C8orf76: variants seen among roughly 807,000 people sequenced by gnomAD.
C8orf76 encodes uncharacterized protein C8orf76.
A neutral mutation model predicts 38.1 loss-of-function variants in C8orf76; 46 were observed. That is an observed-to-expected ratio of 1.21 (90% CI 0.95 to 1.54). The LOEUF is 1.54. C8orf76 is among the 40% of genes most tolerant of loss of function. The pLI, the probability that C8orf76 is intolerant of heterozygous loss-of-function variation, is 0.00. For missense variants in C8orf76, 461 were observed against 441.6 expected (o/e 1.04, Z -0.39); for synonymous variants, 166 against 167.5 (o/e 0.99, Z 0.07).
chr8:123,222,606 A>G (rs950369490), intron 5 of C8orf76, among the ~76,000 whole-genome samples: 1 of 152,196 alleles, frequency 6.6e-6, no homozygotes, highest in Admixed American at 6.5e-5. Context: ...TAATATAGGG[A>G]GAACTCTTAA....
chr8:123,230,878 G>C (rs1825236249), intron 4 of C8orf76, among the ~76,000 whole-genome samples: 3 of 152,136 alleles, frequency 2.0e-5, no homozygotes, highest in African/African-American at 7.2e-5. Context: ...TCGATCTTCT[G>C]ACCTTGTGAT....
chr8:123,220,221 A>C lies in C8orf76; in HGVS notation c.1025T>G (p.Leu342Arg), dbSNP rs1011524054. 3.7e-6 allele frequency: 6 copies of C among 1,613,714 alleles called. No homozygotes were observed. Among genetic ancestry groups the C allele is most frequent in the Non-Finnish European group, 5.1e-6 (6 of 1,179,828 alleles). Reference protein sequence around the residue: ...PEVKCVGSVALTALVTVSSEE... With the variant: ...PEVKCVGSVARTALVTVSSEE... ...TGAGGATACAGTCACCAAGGCAGTC[A>C]GGGCTACGGAGCCAACACACTTCAC... The change falls in exon 6 of 6, where the codon CTG (leucine) becomes CGG (arginine). Residue 342 changes from leucine to arginine, a missense_variant. Physicochemically the swap from Leu to Arg is moderately radical, Grantham distance 102. Coordinates refer to ENST00000276704, the MANE Select transcript of C8orf76 (RefSeq NM_032847.3).
At chr8:123,220,336 G>C (rs751537666) in intron 5 of C8orf76, 39 bp from the exon 6 acceptor site, 1 of 1,455,054 alleles carries the variant, frequency 6.9e-7, no homozygotes, top group East Asian at 2.4e-5. Context: ...CCCAATAAAA[G>C]AGGCAGAGAC....
intron 3 of C8orf76, 83 bp from the exon 4 acceptor site, chr8:123,231,840 G>T: frequency 7.2e-7 from 1 of 1,382,570 alleles, no homozygotes; most frequent in Non-Finnish European, 9.7e-7. Context: ...AAACCAAGTT[G>T]TATATGTTAT....
intron 5 of C8orf76, among the ~76,000 whole-genome samples, chr8:123,224,640 C>T (rs1034929278): frequency 2.0e-5 from 3 of 152,168 alleles, no homozygotes; most frequent in African/African-American, 7.2e-5. Context: ...ACAAAATGTA[C>T]ATTATAATCC....
At position 123,238,983 on chromosome 8, in the gene C8orf76, G is replaced by T; in HGVS notation, c.213+66C>A. 2.0e-6 allele frequency: 3 copies of T among 1,505,968 alleles called. No homozygotes were observed. In the South Asian group the frequency reaches 3.4e-5, roughly 17 times the overall value. The allele number at this position is 1,505,968 out of a possible 1,614,324, so 93.3% of individuals were successfully genotyped here. A position where few individuals can be genotyped will look rare whatever the true frequency, so the allele number is the denominator to read the frequency against. ...AAACACCACACTAACTTGGTACACT[G>T]TTATTTACATATGCCATAACTGATA... On this transcript the variant is annotated intron_variant, in intron 2 of 5. Transcript: ENST00000276704.
chr8:123,239,347 G>C lies in C8orf76; in HGVS notation c.118-203C>G. 3 of 498,450 alleles carry C rather than the reference G, an allele frequency of 6.0e-6. No individual in the cohort carries two copies. The South Asian group carries it at 6.7e-5, about 11-fold the overall frequency. The allele number at this position is 498,450 out of a possible 1,614,324, so 30.9% of individuals were successfully genotyped here. On this transcript the variant is annotated intron_variant, in intron 1 of 5. Coordinates refer to ENST00000276704, the MANE Select transcript of C8orf76 (RefSeq NM_032847.3). Reference sequence around the variant, plus strand: ...CCCAAAGTGCTGGGATTACAGGTGTGAGCCACCGCACCCAGCCCACATTGG... The same window carrying C: ...CCCAAAGTGCTGGGATTACAGGTGTCAGCCACCGCACCCAGCCCACATTGG...
intron 5 of C8orf76, 80 bp downstream of exon 5, chr8:123,226,420 T>G: frequency 6.4e-7 from 1 of 1,573,176 alleles, no homozygotes. Flanking sequence ...AATTTGGCCC[T>G]GCTTTATAAA....
Position 123,239,083 on chromosome 8 carries a change from T to A in C8orf76, c.179A>T (p.Lys60Ile). The change falls in exon 2 of 6, where the codon AAA (lysine) becomes ATA (isoleucine). Residue 60 changes from lysine to isoleucine, a missense_variant. Transcript: ENST00000276704. ...TTGTCGTCTGTAGGCCAGGTCTCCT[T>A]TGAATTTCTTGAGAGTCAGCACTTC... is the stretch of plus-strand genomic sequence containing the variant. ...DVEVLTLKKF[K>I]GDLAYRRQEY... 6.2e-7 allele frequency: 1 copy of A among 1,614,136 alleles called. No individual in the cohort carries two copies.
Position 123,231,607 on chromosome 8 carries a change from A to G in C8orf76, c.508T>C (p.Leu170=), listed in dbSNP as rs142676768. The G allele has an allele frequency of 5.6e-6, 9 of 1,614,102 alleles. No homozygotes were observed. Among genetic ancestry groups the G allele is most frequent in the Admixed American group, 5.0e-5 (3 of 59,998 alleles). The part of the protein sequence containing the change: ...HPFNPWNWGK[L]AEAYLNLGPA... ...CCCAGATTCAGGTAAGCCTCTGCCA[A>G]TTTGCCCCAGTTCCAAGGATTAAAA... is the stretch of plus-strand genomic sequence containing the variant. The change falls in exon 4 of 6, where the codon TTG becomes CTG. Residue 170 remains leucine (L), a synonymous_variant. Coordinates refer to ENST00000276704, the MANE Select transcript of C8orf76 (RefSeq NM_032847.3).
chr8:123,240,075 A>G (rs1173153225), intron 1 of C8orf76: 1 of 152,520 alleles, frequency 6.6e-6, no homozygotes, highest in African/African-American at 2.4e-5. Flanking sequence ...GATCTGACAA[A>G]GTATTTTCAT....
chr8:123,240,130 A>G (rs1386677569), intron 1 of C8orf76: 3 of 152,864 alleles, frequency 2.0e-5, no homozygotes, highest in Non-Finnish European at 4.4e-5. Context: ...GTGAGCCAGC[A>G]TGTATTATTT....
intron 3 of C8orf76, chr8:123,236,877 C>A: frequency 1.1e-6 from 1 of 883,266 alleles, no homozygotes; most frequent in Non-Finnish European, 1.9e-6. Flanking sequence ...AAGACCCTCA[C>A]AGGCAAGACC....
intron 3 of C8orf76, among the ~76,000 whole-genome samples, chr8:123,232,374 C>T (rs934086941): frequency 6.6e-6 from 1 of 152,232 alleles, no homozygotes. Context: ...TCCTTTTGAT[C>T]AGAAAATCCT....
intron 4 of C8orf76, among the ~76,000 whole-genome samples, chr8:123,228,014 T>C (rs1263405289): frequency 1.3e-5 from 2 of 152,118 alleles, no homozygotes; most frequent in African/African-American, 4.8e-5. Context: ...CCTAAAATCA[T>C]TGCCTTCCAC....
intron 3 of C8orf76, among the ~76,000 whole-genome samples, chr8:123,233,864 T>C (rs541992011): frequency 1.1e-4 from 17 of 151,876 alleles, no homozygotes; most frequent in African/African-American, 4.1e-4. Flanking sequence ...CCATCTCTAC[T>C]AAAAATACAA....
chr8:123,234,802 CA>C (rs985217082), intron 3 of C8orf76, among the ~76,000 whole-genome samples: 2 of 144,604 alleles, frequency 1.4e-5, no homozygotes, highest in East Asian at 2.0e-4. Flanking sequence ...AACAAAAAAA[CA>C]AAAAAAAATG....
At chr8:123,222,589 T>C (rs1824918787) in intron 5 of C8orf76, among the ~76,000 whole-genome samples, 1 of 152,118 alleles carries the variant, frequency 6.6e-6, no homozygotes, top group African/African-American at 2.4e-5. Flanking sequence ...AGAAAGATAC[T>C]TAAGTCTAAT....
chr8:123,241,260 C>T lies in C8orf76; in HGVS notation c.87G>A (p.Ala29=). 6.3e-7 allele frequency: 1 copy of T among 1,589,836 alleles called. No homozygotes were observed. Among genetic ancestry groups the T allele is most frequent in the Non-Finnish European group, 8.5e-7 (1 of 1,171,948 alleles). ...ERPERRSGPP[A]SYCAKLCEPQ... The stretch of plus-strand genomic sequence containing the variant: ...GCTCGCAGAGCTTGGCGCAGTAGGA[C>T]GCGGGCGGTCCTGACCGCCGCTCCG... Residue 29 remains alanine, a synonymous_variant, in exon 1 of 6, where the codon GCG becomes GCA. Coordinates refer to ENST00000276704, the MANE Select transcript of C8orf76 (RefSeq NM_032847.3).
Sources: allele counts gnomAD v4.1 joint callset (sites outside exome capture counted in the v4.1 genomes callset), GRCh38; gene constraint gnomAD v4.1.1; transcripts MANE v1.5; gene names NCBI Gene and HGNC (gene_info 2026-07-23, HGNC 2026-07-21).